KIF26B: variants seen among roughly 807,000 people sequenced by gnomAD.
KIF26B encodes kinesin family member 26B.
Under a neutral mutation model 151.2 loss-of-function variants are expected in KIF26B, and 63 were observed. The observed-to-expected ratio is 0.42, with a 90% CI of 0.34 to 0.51. The LOEUF is 0.51. Among genes scored for constraint, KIF26B ranks in the 20% least tolerant of loss-of-function variants. The pLI is 0.07. For synonymous variants in KIF26B, 1,357 were observed against 1,262.1 expected (o/e 1.08, Z -1.59); for missense variants, 2,813 against 2,913.6 (o/e 0.97, Z 0.79).
At chr1:245,251,376 G>T (rs1402915346) in intron 2 of KIF26B, among the ~76,000 whole-genome samples, 2 of 152,042 alleles carry the variant, frequency 1.3e-5, no homozygotes, top group African/African-American at 2.4e-5. Flanking sequence ...TTCTCTGCAC[G>T]GTTATGTTCA....
At chr1:245,363,637 T>C (rs1672872936) in intron 2 of KIF26B, among the ~76,000 whole-genome samples, 1 of 152,224 alleles carries the variant, frequency 6.6e-6, no homozygotes, top group Non-Finnish European at 1.5e-5. Flanking sequence ...GTATAATGTG[T>C]GGATAAGCAC....
intron 4 of KIF26B, among the ~76,000 whole-genome samples, chr1:245,530,977 A>G (rs1370758967): frequency 1.3e-5 from 2 of 152,190 alleles, no homozygotes; most frequent in Non-Finnish European, 2.9e-5. Flanking sequence ...CTTTCTGTGT[A>G]TGTGGGGGGA....
At chr1:245,618,707 G>A (rs1268451886) in intron 9 of KIF26B, among the ~76,000 whole-genome samples, 2 of 136,870 alleles carry the variant, frequency 1.5e-5, no homozygotes, top group Non-Finnish European at 3.1e-5. Flanking sequence ...CCACAGTGCT[G>A]GGGCTGTGTC....
At chr1:245,436,818 T>C (rs546122775) in intron 4 of KIF26B, among the ~76,000 whole-genome samples, 1 of 152,190 alleles carries the variant, frequency 6.6e-6, no homozygotes, top group South Asian at 2.1e-4. Flanking sequence ...TTTAGTGCAA[T>C]TTATCAAGTG....
intron 4 of KIF26B, among the ~76,000 whole-genome samples, chr1:245,494,251 A>C (rs950060305): frequency 6.6e-6 from 1 of 152,220 alleles, no homozygotes; most frequent in East Asian, 1.9e-4. Context: ...GGTTACAGTG[A>C]GCCAAGATTG....
intron 4 of KIF26B, among the ~76,000 whole-genome samples, chr1:245,469,973 A>C (rs1280392033): frequency 6.6e-6 from 1 of 151,760 alleles, no homozygotes; most frequent in African/African-American, 2.4e-5. Context: ...AAGAAACCGG[A>C]GGTCACAGTA....
intron 9 of KIF26B, among the ~76,000 whole-genome samples, chr1:245,616,923 G>C (rs527483178): frequency 6.6e-6 from 1 of 152,134 alleles, no homozygotes; most frequent in Non-Finnish European, 1.5e-5. Context: ...CAATGACACC[G>C]GGTCTCTGAT....
intron 2 of KIF26B, among the ~76,000 whole-genome samples, chr1:245,224,820 A>G (rs1302355904): frequency 6.6e-6 from 1 of 152,228 alleles, no homozygotes; most frequent in East Asian, 1.9e-4. Context: ...ATTTCCATGT[A>G]GTGGAGTAGA....
At chr1:245,618,008 T>C (rs2043611657) in intron 9 of KIF26B, among the ~76,000 whole-genome samples, 1 of 152,096 alleles carries the variant, frequency 6.6e-6, no homozygotes, top group Non-Finnish European at 1.5e-5. Flanking sequence ...TCAGTGGTCT[T>C]TTCATGCTTA....
chr1:245,344,565 G>T (rs1420814872), intron 2 of KIF26B, among the ~76,000 whole-genome samples: 2 of 151,428 alleles, frequency 1.3e-5, no homozygotes, highest in African/African-American at 4.9e-5. Context: ...AGCTTTCCTG[G>T]CTGGAAAAGG....
chr1:245,419,902 T>C (rs1658434987), intron 4 of KIF26B, among the ~76,000 whole-genome samples, 157 bp downstream of exon 4: 1 of 152,174 alleles, frequency 6.6e-6, no homozygotes, highest in African/African-American at 2.4e-5. Flanking sequence ...CTGTGACCTC[T>C]CGGGCCAGCT....
At position 245,462,607 on chromosome 1, in the gene KIF26B, C is replaced by T. The variant is rs371115019; in HGVS notation, c.1166+42862C>T. On this transcript the variant is annotated intron_variant, in intron 4 of 14. Coordinates refer to ENST00000407071, the MANE Select transcript of KIF26B (RefSeq NM_018012.4). ...CACTGTGTATTCACCGGGTACCCAC[C>T]GTGTTAGCGATGACAGCCACCCTGT... 1.2e-3 allele frequency among the ~76,000 whole-genome samples: 181 copies of T among 152,244 alleles called. 1 individual carries two copies. The highest frequency in any genetic ancestry group is 4.2e-3 in the African/African-American group (173 of 41,536).
At chr1:245,554,818 A>G (rs1044553821) in intron 5 of KIF26B, among the ~76,000 whole-genome samples, 1 of 152,202 alleles carries the variant, frequency 6.6e-6, no homozygotes, top group African/African-American at 2.4e-5. Context: ...TTGCCCTGCA[A>G]TTAGTTCATA....
intron 12 of KIF26B, 49 bp downstream of exon 12, chr1:245,688,856 G>C (rs758585546): frequency 7.9e-6 from 12 of 1,517,680 alleles, no homozygotes; most frequent in Non-Finnish European, 9.7e-6. Flanking sequence ...GCAGGTGGGC[G>C]AGCTGCCCAA....
intron 4 of KIF26B, among the ~76,000 whole-genome samples, chr1:245,523,085 CTG>C (rs918102494): frequency 5.3e-5 from 8 of 152,308 alleles, no homozygotes. Flanking sequence ...GCTGGGGAAA[CTG>C]TGGCACAGGA....
At chr1:245,604,539 C>T (rs888635210) in intron 6 of KIF26B, among the ~76,000 whole-genome samples, 12 of 152,198 alleles carry the variant, frequency 7.9e-5, no homozygotes, top group African/African-American at 2.9e-4. Flanking sequence ...GACGTTTGGT[C>T]TAACAAATGG....
intron 5 of KIF26B, among the ~76,000 whole-genome samples, chr1:245,553,565 T>C (rs9970970): frequency 0.33 from 49,740 of 151,868 alleles, 8,583 homozygotes; most frequent in Non-Finnish European, 0.38. Flanking sequence ...ATATATGGAT[T>C]GCCGTGTGAC....
At position 245,244,206 on chromosome 1, in the gene KIF26B, C is replaced by T. The variant is rs1670270490; in HGVS notation, c.465+87523C>T. Among the ~76,000 whole-genome samples the T allele has an allele frequency of 6.6e-6, 1 of 152,156 alleles. No individual in the cohort carries two copies. The highest frequency in any genetic ancestry group is 1.5e-5 in the Non-Finnish European group (1 of 68,040). On this transcript the variant is annotated intron_variant, in intron 2 of 14. Coordinates refer to ENST00000407071, the MANE Select transcript of KIF26B (RefSeq NM_018012.4). This position sits in a 1 kb window ranked among gnomAD's most constrained non-coding sequence, Gnocchi z 4.2. Reference sequence around the variant, plus strand: ...TCCTGGCCTCAAGCAATCTTTCCACCTTAGCCTCCCAAAGTGCTGGGATTG... The same window carrying T: ...TCCTGGCCTCAAGCAATCTTTCCACTTTAGCCTCCCAAAGTGCTGGGATTG...
intron 4 of KIF26B, among the ~76,000 whole-genome samples, chr1:245,421,009 C>G (rs1328541917): frequency 6.6e-6 from 1 of 152,124 alleles, no homozygotes; most frequent in Non-Finnish European, 1.5e-5. Flanking sequence ...CGTATGAACA[C>G]TTGGGACAAC....
Sources: allele counts gnomAD v4.1 joint callset (sites outside exome capture counted in the v4.1 genomes callset), GRCh38; gene constraint gnomAD v4.1.1; non-coding constraint Gnocchi (gnomAD v3.1); transcripts MANE v1.5; gene names NCBI Gene and HGNC (gene_info 2026-07-23, HGNC 2026-07-21).